Variants in RASGRF1 observed in about 807,000 individuals in gnomAD.
RASGRF1 encodes ras-specific guanine nucleotide-releasing factor 1.
Under a neutral mutation model 138.7 loss-of-function variants are expected in RASGRF1, and 40 were observed. That is an observed-to-expected ratio of 0.29 (90% CI 0.22 to 0.38). The LOEUF is 0.38. Ranked by LOEUF, RASGRF1 falls within the 10% of genes least tolerant of loss-of-function variation. The pLI, the probability that RASGRF1 is intolerant of heterozygous loss-of-function variation, is 1.00. For synonymous variants in RASGRF1, 614 were observed against 663.2 expected, an observed-to-expected ratio of 0.93 and a Z score of 1.14; for missense variants, 1,108 against 1,650.4, an observed-to-expected ratio of 0.67 and a Z score of 5.69.
At chr15:78,979,688 C>T (rs187887066) in intron 24 of RASGRF1, among the ~76,000 whole-genome samples, 4 of 152,332 alleles carry the variant, frequency 2.6e-5, no homozygotes, top group Admixed American at 2.6e-4. Flanking sequence ...CACTGCTTCC[C>T]TGGGAGAGCT....
At chr15:78,984,915 C>A (rs779727197) in intron 23 of RASGRF1, 92 bp downstream of exon 23, 1 of 1,404,398 alleles carries the variant, frequency 7.1e-7, no homozygotes, top group Admixed American at 1.9e-5. Flanking sequence ...ACTTTGCCCA[C>A]TTGTGGATGC....
chr15:79,014,589 G>A (rs547814670), intron 13 of RASGRF1, among the ~76,000 whole-genome samples: 8 of 152,286 alleles, frequency 5.3e-5, no homozygotes, highest in Admixed American at 4.6e-4. Context: ...GGACTCAGGG[G>A]GAAAGGGTAG....
chr15:78,978,569 C>T (rs899693430), intron 24 of RASGRF1: 23 of 987,146 alleles, frequency 2.3e-5, no homozygotes, highest in East Asian at 2.3e-4. Flanking sequence ...ATGCCTGGGA[C>T]GTATGAATGG....
At position 79,067,786 on chromosome 15, in the gene RASGRF1, A is replaced by C. The variant is rs763368101; in HGVS notation, c.277-3260T>G. Among the ~76,000 whole-genome samples the C allele has an allele frequency of 8.0e-4, 121 of 152,136 alleles. 1 individual carries two copies. Among genetic ancestry groups the C allele is most frequent in the Admixed American group, 3.9e-4 (6 of 15,268 alleles). Reference sequence around the variant, plus strand: ...GGGACAGAGATAGAGACAGAGACAGAGATAAGATAGAGATAGATGGGTGGG... The same window carrying C: ...GGGACAGAGATAGAGACAGAGACAGCGATAAGATAGAGATAGATGGGTGGG... On this transcript the variant is annotated intron_variant, in intron 1 of 26. Coordinates refer to ENST00000558480, the MANE Select transcript of RASGRF1 (RefSeq NM_001145648.3).
chr15:79,042,830 C>T (rs1171144582), intron 5 of RASGRF1, among the ~76,000 whole-genome samples: 1 of 152,108 alleles, frequency 6.6e-6, no homozygotes, highest in Non-Finnish European at 1.5e-5. Flanking sequence ...GAAGTATAGT[C>T]CAGAAGCTTC....
At position 79,007,079 on chromosome 15, in the gene RASGRF1, C is replaced by T. The variant is rs1335708970; in HGVS notation, c.1827-645G>A. ...TGTAATAGCCCCAAAGTGGAAACTA[C>T]CCAGGTGTCCATCAGCTGATACATG... On this transcript the variant is annotated intron_variant, in intron 13 of 26. Coordinates refer to ENST00000558480, the MANE Select transcript of RASGRF1 (RefSeq NM_001145648.3). 2.0e-5 allele frequency among the ~76,000 whole-genome samples: 3 copies of T among 152,196 alleles called. No homozygotes were observed. The East Asian group carries it at 5.8e-4, about 29-fold the overall frequency.
chr15:79,090,058 C>T (rs2141119898), intron 1 of RASGRF1, among the ~76,000 whole-genome samples, 165 bp downstream of exon 1: 1 of 152,338 alleles, frequency 6.6e-6, no homozygotes, highest in African/African-American at 2.4e-5. Context: ...CGCAGTCACT[C>T]GCCTGGCTGG....
chr15:79,059,407 CCCTTCCCTTCCCTTCCCTA>C, intron 2 of RASGRF1, among the ~76,000 whole-genome samples: 3 of 135,618 alleles, frequency 2.2e-5, no homozygotes, highest in African/African-American at 5.9e-5. Context: ...CCCTTCCCTT[CCCTTCCCTTCCCTTCCCTA>C]TCCTCCCTTA....
intron 10 of RASGRF1, 82 bp from the exon 11 acceptor site, chr15:79,020,186 G>A: frequency 7.4e-7 from 1 of 1,344,064 alleles, no homozygotes; most frequent in South Asian, 1.2e-5. Context: ...GGGTTGGAGG[G>A]GACTTTAACA....
chr15:79,021,664 A>C (rs2056962808), intron 10 of RASGRF1, among the ~76,000 whole-genome samples: 1 of 152,242 alleles, frequency 6.6e-6, no homozygotes, highest in South Asian at 2.1e-4. Flanking sequence ...AGACTAGAGC[A>C]TAGTGATTAA....
At chr15:78,994,127 G>A (rs2056339819) in intron 20 of RASGRF1, among the ~76,000 whole-genome samples, 2 of 152,194 alleles carry the variant, frequency 1.3e-5, no homozygotes, top group African/African-American at 4.8e-5. Flanking sequence ...TGGGAAACAG[G>A]AGCAGAGTGC....
chr15:79,054,582 T>G (rs1595944525), intron 3 of RASGRF1, among the ~76,000 whole-genome samples: 1 of 152,194 alleles, frequency 6.6e-6, no homozygotes, highest in South Asian at 2.1e-4. Context: ...CATGTGCCTT[T>G]CCCCAGCCCA....
At chr15:79,023,976 C>T (rs1369483026) in intron 10 of RASGRF1, among the ~76,000 whole-genome samples, 5 of 151,504 alleles carry the variant, frequency 3.3e-5, no homozygotes, top group Non-Finnish European at 4.4e-5. Flanking sequence ...CACACAGACA[C>T]ACAAACACAT....
chr15:79,042,503 G>A (rs896419488), intron 5 of RASGRF1, among the ~76,000 whole-genome samples: 16 of 152,360 alleles, frequency 1.1e-4, no homozygotes, highest in Non-Finnish European at 1.9e-4. Flanking sequence ...TTCTCCAACA[G>A]AGGGTGCATG....
At chr15:79,004,987 C>G in intron 14 of RASGRF1, 1 of 985,512 alleles carries the variant, frequency 1.0e-6, no homozygotes, top group African/African-American at 1.7e-5. Context: ...CTGAACCAGC[C>G]TCTTTGTTCT....
chr15:79,039,834 A>G (rs1327273716), intron 5 of RASGRF1, among the ~76,000 whole-genome samples: 2 of 150,604 alleles, frequency 1.3e-5, no homozygotes, highest in Non-Finnish European at 3.0e-5. Context: ...TGGTGGTGTG[A>G]TCTCGGCTCA....
At chr15:79,040,062 G>T (rs560644484) in intron 5 of RASGRF1, among the ~76,000 whole-genome samples, 2 of 152,268 alleles carry the variant, frequency 1.3e-5, no homozygotes, top group South Asian at 4.1e-4. Context: ...TGCCCAGCCT[G>T]ATTTTGCTTA....
intron 1 of RASGRF1, among the ~76,000 whole-genome samples, chr15:79,088,503 C>A (rs1357929385): frequency 6.6e-6 from 1 of 152,208 alleles, no homozygotes; most frequent in Non-Finnish European, 1.5e-5. Flanking sequence ...AGCTGAGATT[C>A]AGTCTCAGGC....
At chr15:79,059,039 G>A (rs888443112) in intron 2 of RASGRF1, among the ~76,000 whole-genome samples, 17 of 152,080 alleles carry the variant, frequency 1.1e-4, no homozygotes, top group African/African-American at 4.1e-4. Context: ...ATAGGCGTCC[G>A]CCTCATCTGC....
Sources: gnomAD v4.1 joint callset for allele counts (sites outside exome capture counted in the v4.1 genomes callset) on GRCh38, gnomAD v4.1.1 for gene constraint, MANE v1.5 for transcripts, NCBI Gene and HGNC (gene_info 2026-07-23, HGNC 2026-07-21) for gene names.